The following CYFIP1 variants were observed in gnomAD, a reference collection of about 807,000 sequenced individuals.
CYFIP1 encodes cytoplasmic FMR1 interacting protein 1, also known as cytoplasmic FMR1-interacting protein 1.
In CYFIP1, 58 loss-of-function variants were observed where a neutral mutation model predicts 163.5. The ratio of observed to expected loss-of-function variants is 0.35; its 90% CI spans 0.29 to 0.44. CYFIP1 has a LOEUF of 0.44. Among genes scored for constraint, CYFIP1 ranks in the 20% least tolerant of loss-of-function variants. The pLI is 1.00. For missense variants in CYFIP1, 1,338 were observed against 1,653.8 expected (o/e 0.81, Z 3.31); for synonymous variants, 663 against 660.7 (o/e 1.00, Z -0.05).
chr15:22,886,497 C>T (rs1362906230), intron 23 of CYFIP1, among the ~76,000 whole-genome samples: 1 of 152,128 alleles, frequency 6.6e-6, no homozygotes, highest in Non-Finnish European at 1.5e-5. Context: ...ACATTTCATT[C>T]AATTCAATGT....
chr15:22,883,033 T>C (rs2059814630), intron 23 of CYFIP1, 22 bp from the exon 24 acceptor site: 2 of 1,611,752 alleles, frequency 1.2e-6, no homozygotes, highest in Admixed American at 1.7e-5. Context: ...GGCACAGAGC[T>C]CTCAGCATGG....
intron 1 of CYFIP1, among the ~76,000 whole-genome samples, chr15:22,972,776 C>T (rs1448741145): frequency 1.3e-5 from 2 of 152,150 alleles, no homozygotes; most frequent in Non-Finnish European, 2.9e-5. Context: ...GAAGCCCAGG[C>T]AGGGGGATCA....
At chr15:22,890,428 G>C (rs1307315722) in intron 23 of CYFIP1, among the ~76,000 whole-genome samples, 1 of 152,192 alleles carries the variant, frequency 6.6e-6, no homozygotes, top group East Asian at 1.9e-4. Flanking sequence ...GGAAGTGAGG[G>C]GGAGCCCCGT....
chr15:22,910,899 G>GC (rs1418022037), intron 18 of CYFIP1, 86 bp from the exon 19 acceptor site: 1 of 1,139,126 alleles, frequency 8.8e-7, no homozygotes. Flanking sequence ...TTTCGTTAAG[G>GC]CAACTAACTG....
At chr15:22,950,186 C>G (rs1273124141) in intron 1 of CYFIP1, among the ~76,000 whole-genome samples, 1 of 151,960 alleles carries the variant, frequency 6.6e-6, no homozygotes, top group Non-Finnish European at 1.5e-5. Flanking sequence ...CTAAAAACAC[C>G]AATTAGAAGA....
At chr15:22,875,067 T>A (rs1267389437) in intron 27 of CYFIP1, 132 bp downstream of exon 27, 8 of 768,152 alleles carry the variant, frequency 1.0e-5, no homozygotes, top group Middle Eastern at 3.1e-4. Context: ...ACACTCCTCA[T>A]TACCCCTGGG....
At chr15:22,909,488 G>C (rs1011492680) in intron 20 of CYFIP1, among the ~76,000 whole-genome samples, 175 bp from the exon 21 acceptor site, 6 of 152,086 alleles carry the variant, frequency 3.9e-5, no homozygotes, top group African/African-American at 1.2e-4. Flanking sequence ...CTTTTTACAG[G>C]TGTTATGACG....
chr15:22,913,966 C>A (rs1012628767), intron 17 of CYFIP1, among the ~76,000 whole-genome samples: 3 of 152,242 alleles, frequency 2.0e-5, no homozygotes, highest in African/African-American at 7.2e-5. Context: ...TCACGGTGCT[C>A]AGAAGACAGA....
Position 22,926,096 on chromosome 15 carries a change from C to T in CYFIP1, c.1245G>A (p.Lys415=). Residue 415 remains lysine (K), a synonymous_variant, in exon 13 of 31, where the codon AAG becomes AAA. Coordinates refer to ENST00000617928, the MANE Select transcript of CYFIP1 (RefSeq NM_014608.6). ...SAHVMEVYSW[K]LVHPTDKYSN... ...AGTACTTGTCGGTGGGGTGCACAAG[C>T]TTCCAGGAATACTGTGGTGGCCGAA... 1 of 1,614,136 alleles carries T rather than the reference C, an allele frequency of 6.2e-7. No homozygotes were observed. Among genetic ancestry groups the T allele is most frequent in the Non-Finnish European group, 8.5e-7 (1 of 1,180,012 alleles).
In CYFIP1 at chr15:22,884,039, TGC is replaced by T. The variant is rs535946705; in HGVS notation, c.2677-1030_2677-1029del. 1.2e-3 allele frequency among the ~76,000 whole-genome samples: 187 copies of T among 152,208 alleles called. 4 individuals carry two copies. Among genetic ancestry groups the T allele is most frequent in the African/African-American group, 4.4e-3 (182 of 41,536 alleles). On this transcript the variant is annotated intron_variant, in intron 23 of 30. Transcript: ENST00000617928. ...ATCACAAGAACAGCATGTGGAAAAC[TGC>T]CCCCATGAACCAGTCAACTCCCACC... is the stretch of plus-strand genomic sequence containing the variant.
intron 1 of CYFIP1, among the ~76,000 whole-genome samples, chr15:22,963,539 CATAACAT>C (rs1202310133): frequency 7.0e-6 from 1 of 142,680 alleles, no homozygotes; most frequent in South Asian, 2.3e-4. Flanking sequence ...CATAACATAA[CATAACAT>C]AACATAACAT....
chr15:22,914,667 CTCT>C, intron 17 of CYFIP1, 56 bp downstream of exon 17: 1 of 1,529,364 alleles, frequency 6.5e-7, no homozygotes, highest in East Asian at 2.3e-5. Context: ...CCGCCACCTC[CTCT>C]GAGGACCCCC....
chr15:22,927,639 G>C, intron 12 of CYFIP1, among the ~76,000 whole-genome samples: 1 of 152,058 alleles, frequency 6.6e-6, no homozygotes, highest in East Asian at 1.9e-4. Flanking sequence ...CTAAGCGACA[G>C]GGTGAGACTA....
At chr15:22,886,394 T>C (rs1375487383) in intron 23 of CYFIP1, among the ~76,000 whole-genome samples, 3 of 152,186 alleles carry the variant, frequency 2.0e-5, no homozygotes, top group Non-Finnish European at 2.9e-5. Flanking sequence ...CTCAGCACTT[T>C]AGCTGTATAC....
chr15:22,941,828 C>A (rs754084725), intron 6 of CYFIP1, among the ~76,000 whole-genome samples: 30 of 152,230 alleles, frequency 2.0e-4, no homozygotes, highest in African/African-American at 4.1e-4. Context: ...AACAACAACA[C>A]ACACACACAA....
At chr15:22,954,715 T>C (rs1266202263) in intron 1 of CYFIP1, among the ~76,000 whole-genome samples, 1 of 152,236 alleles carries the variant, frequency 6.6e-6, no homozygotes, top group East Asian at 1.9e-4. Context: ...TTCCAAATCC[T>C]ATAGCTTGTC....
intron 23 of CYFIP1, among the ~76,000 whole-genome samples, chr15:22,890,842 G>A (rs1182804141): frequency 1.3e-5 from 2 of 151,440 alleles, no homozygotes; most frequent in African/African-American, 4.9e-5. Flanking sequence ...GGGGCACAGC[G>A]GAGGCCGCAC....
chr15:22,909,115 G>A, intron 21 of CYFIP1, 79 bp downstream of exon 21: 3 of 1,568,196 alleles, frequency 1.9e-6, no homozygotes, highest in Non-Finnish European at 2.6e-6. Flanking sequence ...CCCGATGAGT[G>A]CATCTCTTTT....
intron 1 of CYFIP1, among the ~76,000 whole-genome samples, chr15:22,950,695 G>C (rs906366500): frequency 6.6e-6 from 1 of 152,234 alleles, no homozygotes; most frequent in Admixed American, 6.5e-5. Flanking sequence ...CTCCCACCCA[G>C]GACACAAACC....
Sources: gnomAD v4.1 joint callset for allele counts (sites outside exome capture counted in the v4.1 genomes callset) on GRCh38, gnomAD v4.1.1 for gene constraint, MANE v1.5 for transcripts, NCBI Gene and HGNC (gene_info 2026-07-23, HGNC 2026-07-21) for gene names.